Variants in BTC observed in about 807,000 individuals in gnomAD.
BTC encodes betacellulin.
BTC carries 13 observed loss-of-function variants against 18.1 expected under a neutral mutation model. The ratio of observed to expected loss-of-function variants is 0.72; its 90% CI spans 0.47 to 1.14. The LOEUF is 1.14. BTC is among the 50% of genes most tolerant of loss of function. BTC has a pLI of 0.00. For synonymous variants in BTC, 83 were observed against 79.4 expected (o/e 1.05, Z -0.24); for missense variants, 247 against 224.2 (o/e 1.10, Z -0.65).
At chr4:74,761,732 G>A (rs1724762614) in intron 2 of BTC, among the ~76,000 whole-genome samples, 2 of 152,038 alleles carry the variant, frequency 1.3e-5, no homozygotes, top group African/African-American at 4.8e-5. Context: ...ATAACCTCAC[G>A]ATCTCCACTA....
intron 4 of BTC, among the ~76,000 whole-genome samples, chr4:74,750,300 G>A (rs567896450): frequency 6.6e-6 from 1 of 152,252 alleles, no homozygotes; most frequent in East Asian, 1.9e-4. Flanking sequence ...ATGTTACTGT[G>A]TTATGGTACA....
chr4:74,794,271 G>A lies in BTC; in HGVS notation c.55C>T (p.Leu19Phe). The A allele has an allele frequency of 6.5e-7, 1 of 1,550,136 alleles. No homozygotes were observed. Among genetic ancestry groups the A allele is most frequent in the Non-Finnish European group, 8.7e-7 (1 of 1,146,760 alleles). ...GASSLPLLLA[L>F]ALGLVILHCV... Reference sequence around the variant, plus strand: ...CAGCACGGCCACTTACCCAGGGCAAGGGCCAGGAGCAGTGGCAGGGAGCTG... The same window carrying A: ...CAGCACGGCCACTTACCCAGGGCAAAGGCCAGGAGCAGTGGCAGGGAGCTG... The change falls in exon 1 of 6, where the codon CTT becomes TTT. Residue 19 changes from leucine (L) to phenylalanine (F), a missense_variant. Coordinates refer to ENST00000395743, the MANE Select transcript of BTC (RefSeq NM_001729.4).
chr4:74,753,667 T>C (rs1325425333), intron 3 of BTC, among the ~76,000 whole-genome samples: 1 of 152,142 alleles, frequency 6.6e-6, no homozygotes, highest in Non-Finnish European at 1.5e-5. Context: ...GCAAGAGAGT[T>C]TTGCCTGAAT....
intron 2 of BTC, among the ~76,000 whole-genome samples, chr4:74,756,295 A>G (rs1305675232): frequency 2.6e-5 from 4 of 152,180 alleles, no homozygotes; most frequent in Non-Finnish European, 5.9e-5. Flanking sequence ...CATGAAAGTT[A>G]TCAGAGCCAC....
chr4:74,774,710 AG>A (rs59403877), intron 1 of BTC, among the ~76,000 whole-genome samples: 26,585 of 152,002 alleles, frequency 0.17, 3,776 homozygotes, highest in African/African-American at 0.4. Context: ...GTGATGGAAG[AG>A]GAGGCTGGCA....
chr4:74,792,819 G>A (rs770185618), intron 1 of BTC, among the ~76,000 whole-genome samples: 1 of 152,060 alleles, frequency 6.6e-6, no homozygotes, highest in Non-Finnish European at 1.5e-5. Context: ...CACTATTCCA[G>A]CCCCCGCTGT....
chr4:74,757,965 G>A (rs1724647265), intron 2 of BTC, among the ~76,000 whole-genome samples: 1 of 152,168 alleles, frequency 6.6e-6, no homozygotes, highest in South Asian at 2.1e-4. Flanking sequence ...AAACTCCTCA[G>A]TAAATGAGTT....
chr4:74,750,152 A>G (rs1724420181), intron 4 of BTC, among the ~76,000 whole-genome samples: 1 of 152,188 alleles, frequency 6.6e-6, no homozygotes, highest in South Asian at 2.1e-4. Context: ...TCTCAGAGAA[A>G]AAGCAGGATG....
intron 1 of BTC, among the ~76,000 whole-genome samples, chr4:74,774,115 T>A (rs190662147): frequency 2.0e-5 from 3 of 152,330 alleles, no homozygotes; most frequent in Admixed American, 2.0e-4. Flanking sequence ...GTAAGCAAGA[T>A]AACAATCATA....
At chr4:74,776,028 G>A (rs1000869232) in intron 1 of BTC, among the ~76,000 whole-genome samples, 15 of 152,176 alleles carry the variant, frequency 9.9e-5, no homozygotes, top group Admixed American at 5.2e-4. Flanking sequence ...GCTCCCCATA[G>A]CATATCAGCC....
chr4:74,757,327 GCAGAGTTT>G (rs1168675773), intron 2 of BTC, among the ~76,000 whole-genome samples: 2 of 152,202 alleles, frequency 1.3e-5, no homozygotes, highest in Admixed American at 1.3e-4. Context: ...AGGTCACAGT[GCAGAGTTT>G]CAGGGGATGG....
intron 1 of BTC, among the ~76,000 whole-genome samples, chr4:74,791,897 G>T (rs940930726): frequency 6.6e-6 from 1 of 151,878 alleles, no homozygotes; most frequent in Non-Finnish European, 1.5e-5. Flanking sequence ...ACATCTCGGA[G>T]TCATGAAGTG....
intron 1 of BTC, among the ~76,000 whole-genome samples, chr4:74,778,615 A>G (rs1272439629): frequency 6.6e-6 from 1 of 152,002 alleles, no homozygotes; most frequent in African/African-American, 2.4e-5. Flanking sequence ...AGTCCAGTGG[A>G]AAAAAAATGA....
At chr4:74,759,419 C>T (rs1379390114) in intron 2 of BTC, among the ~76,000 whole-genome samples, 1 of 152,034 alleles carries the variant, frequency 6.6e-6, no homozygotes, top group Non-Finnish European at 1.5e-5. Context: ...AAAATATGCC[C>T]CTGTCCCAGA....
At chr4:74,791,969 TCACACACACACACACA>T (rs3087019) in intron 1 of BTC, among the ~76,000 whole-genome samples, 1 of 134,148 alleles carries the variant, frequency 7.5e-6, no homozygotes, top group Non-Finnish European at 1.6e-5. Flanking sequence ...TTCCACCATC[TCACACACACACACACA>T]CACACACACA....
chr4:74,789,744 T>A (rs974512268), intron 1 of BTC, among the ~76,000 whole-genome samples: 2 of 152,242 alleles, frequency 1.3e-5, no homozygotes, highest in Admixed American at 6.5e-5. Flanking sequence ...TATTCTAAAA[T>A]GACAGTTTTA....
At chr4:74,770,536 C>T (rs964416638) in intron 1 of BTC, among the ~76,000 whole-genome samples, 7 of 152,136 alleles carry the variant, frequency 4.6e-5, no homozygotes, top group African/African-American at 1.7e-4. Context: ...AAAGTGCCTT[C>T]TCCATTCCAC....
chr4:74,756,838 T>C (rs1367736524), intron 2 of BTC, among the ~76,000 whole-genome samples: 1 of 152,226 alleles, frequency 6.6e-6, no homozygotes, highest in Non-Finnish European at 1.5e-5. Context: ...GCCTAATTGA[T>C]TGCCTAATTT....
chr4:74,779,923 T>C (rs1453161780), intron 1 of BTC, among the ~76,000 whole-genome samples: 2 of 152,154 alleles, frequency 1.3e-5, no homozygotes, highest in Non-Finnish European at 2.9e-5. Flanking sequence ...ATCAGGTGTT[T>C]AGAACATAAA....
Sources: allele counts gnomAD v4.1 joint callset (sites outside exome capture counted in the v4.1 genomes callset), GRCh38; gene constraint gnomAD v4.1.1; transcripts MANE v1.5; gene names NCBI Gene and HGNC (gene_info 2026-07-23, HGNC 2026-07-21).